The following AUTS2 variants were observed in gnomAD, a reference collection of about 807,000 sequenced individuals.
AUTS2 encodes the protein autism susceptibility gene 2 protein.
In AUTS2, 17 loss-of-function variants were observed where a neutral mutation model predicts 112.4. The observed-to-expected ratio is 0.15, with a 90% confidence interval of 0.10 to 0.23. AUTS2 has a LOEUF of 0.23. AUTS2 is among the 10% of genes least tolerant of loss of function. The probability of loss-of-function intolerance (pLI) is 1.00; values close to 1 mark genes in which losing one functional copy is unlikely to be tolerated. For missense variants in AUTS2, 1,510 were observed against 1,701.6 expected (o/e 0.89, Z 1.98); for synonymous variants, 751 against 702.7 (o/e 1.07, Z -1.09).
intron 1 of AUTS2, among the ~76,000 whole-genome samples, chr7:69,710,232 G>A (rs771910662): frequency 6.6e-5 from 10 of 152,184 alleles, no homozygotes; most frequent in Non-Finnish European, 1.2e-4. Context: ...GCTATAGTTT[G>A]TCAGGGTTTA....
intron 4 of AUTS2, among the ~76,000 whole-genome samples, chr7:70,206,105 C>T (rs1810561402): frequency 6.6e-6 from 1 of 152,188 alleles, no homozygotes; most frequent in South Asian, 2.1e-4. Context: ...AATTAAGTGG[C>T]ATTAGAACTG....
At chr7:70,761,876 A>C (rs576450785) in intron 6 of AUTS2, among the ~76,000 whole-genome samples, 25 of 152,338 alleles carry the variant, frequency 1.6e-4, no homozygotes, top group African/African-American at 6.0e-4. Context: ...GGGGAACCCC[A>C]TGTGGTCCCA....
chr7:69,794,902 A>T (rs187212425), intron 1 of AUTS2, among the ~76,000 whole-genome samples: 4 of 152,318 alleles, frequency 2.6e-5, no homozygotes. Flanking sequence ...AAATAGTGTC[A>T]TACATGTACC....
At chr7:69,867,295 A>T (rs1317602148) in intron 1 of AUTS2, among the ~76,000 whole-genome samples, 2 of 152,244 alleles carry the variant, frequency 1.3e-5, no homozygotes, top group Non-Finnish European at 2.9e-5. Context: ...GGCTGAATTC[A>T]TCACAAGGGT....
At chr7:70,196,781 C>T (rs1437833268) in intron 4 of AUTS2, among the ~76,000 whole-genome samples, 1 of 152,176 alleles carries the variant, frequency 6.6e-6, no homozygotes, top group Non-Finnish European at 1.5e-5. Context: ...ACATTGTGGA[C>T]ACTGGTTGAG....
intron 1 of AUTS2, among the ~76,000 whole-genome samples, chr7:69,814,900 A>C (rs983203227): frequency 4.6e-5 from 7 of 152,224 alleles, no homozygotes; most frequent in African/African-American, 1.7e-4. Flanking sequence ...TCTTAATGAA[A>C]GGCAGCAGTT....
chr7:70,475,275 G>A (rs939503796), intron 5 of AUTS2, among the ~76,000 whole-genome samples: 13 of 152,284 alleles, frequency 8.5e-5, no homozygotes, highest in Admixed American at 5.9e-4. Context: ...AGATCTTTGC[G>A]TGAAATTGAA....
At chr7:70,076,885 G>C (rs2129563950) in intron 2 of AUTS2, among the ~76,000 whole-genome samples, 1 of 152,330 alleles carries the variant, frequency 6.6e-6, no homozygotes, top group African/African-American at 2.4e-5. Flanking sequence ...ATTTCAATTA[G>C]AGTGCTTGCA....
intron 1 of AUTS2, among the ~76,000 whole-genome samples, chr7:69,836,233 G>A (rs1275543697): frequency 6.6e-6 from 1 of 152,118 alleles, no homozygotes; most frequent in Non-Finnish European, 1.5e-5. Flanking sequence ...TAGCTGAGAA[G>A]GCATACACCA....
chr7:70,505,116 C>G (rs1208053575), intron 5 of AUTS2, among the ~76,000 whole-genome samples: 2 of 152,184 alleles, frequency 1.3e-5, no homozygotes, highest in Non-Finnish European at 1.5e-5. Context: ...TTCGCAGAGC[C>G]TGGCCCTGAG....
At chr7:69,800,475 G>A (rs748756459) in intron 1 of AUTS2, among the ~76,000 whole-genome samples, 5 of 152,132 alleles carry the variant, frequency 3.3e-5, no homozygotes, top group Non-Finnish European at 7.3e-5. Context: ...CCTGCCTTTG[G>A]TATGATAAGC....
chr7:70,170,077 G>T (rs1478028753), intron 4 of AUTS2, among the ~76,000 whole-genome samples: 1 of 148,170 alleles, frequency 6.7e-6, no homozygotes, highest in Non-Finnish European at 1.5e-5. Flanking sequence ...AATAATAGAG[G>T]TTTTTTTTTA....
chr7:69,935,345 G>C (rs1796370239), intron 2 of AUTS2, among the ~76,000 whole-genome samples: 1 of 152,128 alleles, frequency 6.6e-6, no homozygotes, highest in Non-Finnish European at 1.5e-5. Context: ...GTTTGGGCCT[G>C]GTTTTGAAGG....
intron 4 of AUTS2, among the ~76,000 whole-genome samples, chr7:70,142,531 C>G (rs1806920542): frequency 6.6e-6 from 1 of 152,100 alleles, no homozygotes; most frequent in African/African-American, 2.4e-5. Flanking sequence ...GCCGAGTCTG[C>G]TTTTGTTTGA....
intron 5 of AUTS2, among the ~76,000 whole-genome samples, chr7:70,559,282 G>A (rs780771350): frequency 1.5e-4 from 22 of 151,402 alleles, no homozygotes; most frequent in Admixed American, 6.6e-4. Flanking sequence ...TATTAGCAGC[G>A]TGAGAACAGA....
chr7:70,101,186 G>C (rs1210716137), intron 2 of AUTS2, among the ~76,000 whole-genome samples: 1 of 151,984 alleles, frequency 6.6e-6, no homozygotes, highest in Admixed American at 6.6e-5. Flanking sequence ...CATATATTTG[G>C]TTTTAAGAGT....
chr7:70,313,698 G>A (rs986285330), intron 4 of AUTS2, among the ~76,000 whole-genome samples: 5 of 152,152 alleles, frequency 3.3e-5, no homozygotes, highest in African/African-American at 9.7e-5. Flanking sequence ...CGGACCCGCC[G>A]GTTCCTACTG....
chr7:70,143,848 G>A (rs1267245120), intron 4 of AUTS2, among the ~76,000 whole-genome samples: 3 of 152,102 alleles, frequency 2.0e-5, no homozygotes, highest in South Asian at 2.1e-4. Flanking sequence ...GCTGCTGTGC[G>A]TAGTGGCCTC....
At chr7:70,457,412 C>CT in intron 5 of AUTS2, among the ~76,000 whole-genome samples, 1 of 151,960 alleles carries the variant, frequency 6.6e-6, no homozygotes, top group African/African-American at 2.4e-5. Flanking sequence ...CAGACACGTC[C>CT]TCTCTCCTTC....
Sources: gnomAD v4.1 joint callset for allele counts (sites outside exome capture counted in the v4.1 genomes callset) on GRCh38, gnomAD v4.1.1 for gene constraint, MANE v1.5 for transcripts, NCBI Gene and HGNC (gene_info 2026-07-23, HGNC 2026-07-21) for gene names.